DLC1: variants seen among roughly 807,000 people sequenced by gnomAD.
DLC1 encodes the protein DLC1 Rho GTPase activating protein, also known as rho GTPase-activating protein 7.
A neutral mutation model predicts 140.3 loss-of-function variants in DLC1; 54 were observed. The observed-to-expected ratio is 0.38, with a 90% CI of 0.31 to 0.48. The LOEUF (loss-of-function observed/expected upper bound fraction) is 0.48. DLC1 is among the 20% of genes least tolerant of loss of function. The pLI is 0.96. For synonymous variants in DLC1, 986 were observed against 728.1 expected (o/e 1.35, Z -5.70); for missense variants, 2,536 against 1,907.0 (o/e 1.33, Z -6.14).
At chr8:13,123,320 C>A (rs1423566974) in intron 5 of DLC1, among the ~76,000 whole-genome samples, 3 of 151,790 alleles carry the variant, frequency 2.0e-5, no homozygotes, top group African/African-American at 7.3e-5. Context: ...TGTCCCCCTG[C>A]TCCCTGCACC....
At chr8:13,544,119 T>C (rs62492094) in intron 1 of DLC1, among the ~76,000 whole-genome samples, 18,330 of 151,998 alleles carry the variant, frequency 0.12, 1,301 homozygotes, top group Non-Finnish European at 0.15. Context: ...CCATGTATAA[T>C]ATATATAGTA....
intron 5 of DLC1, among the ~76,000 whole-genome samples, chr8:13,247,864 T>C (rs756618686): frequency 6.6e-6 from 1 of 152,234 alleles, no homozygotes; most frequent in Non-Finnish European, 1.5e-5. Context: ...GCTGGCCCCA[T>C]AGTGCTATCC....
At chr8:13,539,363 C>T (rs1803407504) in intron 1 of DLC1, among the ~76,000 whole-genome samples, 1 of 152,020 alleles carries the variant, frequency 6.6e-6, no homozygotes, top group Non-Finnish European at 1.5e-5. Flanking sequence ...CCACACCCAG[C>T]TAATTTTTTT....
chr8:13,205,351 A>G (rs1827605890), intron 5 of DLC1, among the ~76,000 whole-genome samples: 1 of 152,202 alleles, frequency 6.6e-6, no homozygotes, highest in African/African-American at 2.4e-5. Flanking sequence ...CTTTGCAAAT[A>G]TTTAACTTAA....
chr8:13,421,911 A>T (rs1473037355), intron 2 of DLC1, among the ~76,000 whole-genome samples: 1 of 152,162 alleles, frequency 6.6e-6, no homozygotes, highest in Non-Finnish European at 1.5e-5. Context: ...TGTTCTCCAT[A>T]TGAACTATGT....
chr8:13,509,187 A>G (rs1048078593), intron 1 of DLC1, among the ~76,000 whole-genome samples: 1 of 152,220 alleles, frequency 6.6e-6, no homozygotes, highest in Non-Finnish European at 1.5e-5. Flanking sequence ...CTTTATTTTT[A>G]GCTTTGCTAT....
At chr8:13,570,294 C>G (rs67552689) in intron 1 of DLC1, among the ~76,000 whole-genome samples, 5 of 121,872 alleles carry the variant, frequency 4.1e-5, no homozygotes, top group African/African-American at 1.4e-4. Context: ...TAAATTCTCT[C>G]TTTTTTTTTT....
intron 5 of DLC1, among the ~76,000 whole-genome samples, chr8:13,249,584 A>T (rs1487831061): frequency 1.3e-5 from 2 of 152,046 alleles, no homozygotes; most frequent in Non-Finnish European, 2.9e-5. Context: ...TGAATTAGTG[A>T]TTCAACAATT....
chr8:13,345,008 A>G (rs1001481757), intron 4 of DLC1, among the ~76,000 whole-genome samples: 5 of 152,202 alleles, frequency 3.3e-5, no homozygotes, highest in Non-Finnish European at 7.3e-5. Context: ...GAAGAGGTGC[A>G]TAGAATCATA....
intron 1 of DLC1, chr8:13,567,507 T>A: frequency 1.3e-6 from 2 of 1,552,052 alleles, no homozygotes; most frequent in Non-Finnish European, 8.7e-7. Context: ...CCGATGAACT[T>A]TTGAACAGAA....
intron 5 of DLC1, among the ~76,000 whole-genome samples, chr8:13,146,258 G>A (rs1231007391): frequency 7.1e-6 from 1 of 141,836 alleles, no homozygotes; most frequent in Non-Finnish European, 1.5e-5. Context: ...CTGGGCAACA[G>A]AGCAAGACTC....
At chr8:13,388,062 A>T (rs549984729) in intron 4 of DLC1, among the ~76,000 whole-genome samples, 1 of 152,024 alleles carries the variant, frequency 6.6e-6, no homozygotes, top group African/African-American at 2.4e-5. Context: ...ACATAATTTA[A>T]AATATAATTT....
chr8:13,527,803 G>A (rs895158087), intron 1 of DLC1, among the ~76,000 whole-genome samples: 9 of 152,092 alleles, frequency 5.9e-5, no homozygotes, highest in African/African-American at 9.7e-5. Context: ...TCTATTATAC[G>A]TGAACTAGGG....
chr8:13,320,370 C>G (rs1833046837), intron 4 of DLC1, among the ~76,000 whole-genome samples: 1 of 152,194 alleles, frequency 6.6e-6, no homozygotes, highest in Non-Finnish European at 1.5e-5. Flanking sequence ...TTGCATAACT[C>G]TAACCTTTGT....
intron 7 of DLC1, among the ~76,000 whole-genome samples, chr8:13,104,361 A>AAAC (rs1290960137): frequency 6.6e-6 from 1 of 151,888 alleles, no homozygotes; most frequent in Non-Finnish European, 1.5e-5. Context: ...AAAAAAAAAA[A>AAAC]AAACCCAAAA....
chr8:13,555,757 C>G (rs1804022441), intron 1 of DLC1, among the ~76,000 whole-genome samples: 1 of 151,990 alleles, frequency 6.6e-6, no homozygotes, highest in South Asian at 2.1e-4. Flanking sequence ...TCCGCTTGGC[C>G]TCCCAAAGTG....
At chr8:13,434,288 C>A (rs141972972) in intron 2 of DLC1, among the ~76,000 whole-genome samples, 1 of 152,332 alleles carries the variant, frequency 6.6e-6, no homozygotes, top group East Asian at 1.9e-4. Context: ...ACAGTGAGTT[C>A]TAAACCACTG....
intron 5 of DLC1, among the ~76,000 whole-genome samples, chr8:13,240,999 A>G (rs1175098511): frequency 6.6e-6 from 1 of 152,172 alleles, no homozygotes; most frequent in African/African-American, 2.4e-5. Context: ...GGGTTGAGAG[A>G]GAAGGGGAAT....
chr8:13,373,678 G>A (rs1835832143), intron 4 of DLC1, among the ~76,000 whole-genome samples: 1 of 152,122 alleles, frequency 6.6e-6, no homozygotes, highest in Non-Finnish European at 1.5e-5. Context: ...TATAAATTGA[G>A]ATATAAAAAT....
Sources: allele counts gnomAD v4.1 joint callset (sites outside exome capture counted in the v4.1 genomes callset), GRCh38; gene constraint gnomAD v4.1.1; transcripts MANE v1.5; gene names NCBI Gene and HGNC (gene_info 2026-07-23, HGNC 2026-07-21).